Variants in CYRIB observed in about 807,000 individuals in gnomAD.
CYRIB encodes CYFIP-related Rac1 interactor B.
In CYRIB, 8 loss-of-function variants were observed where a neutral mutation model predicts 44.2. The ratio of observed to expected loss-of-function variants is 0.18; its 90% confidence interval spans 0.11 to 0.33. The LOEUF is 0.33. Ranked by LOEUF, CYRIB falls within the 10% of genes least tolerant of loss-of-function variation. The pLI, the probability that CYRIB is intolerant of heterozygous loss-of-function variation, is 1.00. For missense variants in CYRIB, 185 were observed against 382.8 expected, an observed-to-expected ratio of 0.48 and a Z score of 4.31; for synonymous variants, 131 against 127.2, an observed-to-expected ratio of 1.03 and a Z score of -0.20.
intron 1 of CYRIB, among the ~76,000 whole-genome samples, chr8:130,005,002 C>T (rs1214621208): frequency 6.6e-6 from 1 of 151,912 alleles, no homozygotes; most frequent in Non-Finnish European, 1.5e-5. Context: ...TTCCTGACCT[C>T]GTTATCCATC....
At chr8:129,883,771 C>T (rs942010994) in intron 2 of CYRIB, among the ~76,000 whole-genome samples, 1 of 152,212 alleles carries the variant, frequency 6.6e-6, no homozygotes, top group African/African-American at 2.4e-5. Flanking sequence ...TGTTTTTTAA[C>T]TTCTCCATTC....
upstream of CYRIB, among the ~76,000 whole-genome samples, chr8:129,940,151 T>C (rs573298391): frequency 1.3e-5 from 2 of 151,922 alleles, no homozygotes; most frequent in African/African-American, 4.8e-5. Context: ...GAAACGGAGG[T>C]TCAGAGGTGG....
chr8:129,967,786 AC>A (rs1484576676), intron 2 of CYRIB, among the ~76,000 whole-genome samples: 3 of 152,220 alleles, frequency 2.0e-5, no homozygotes, highest in Non-Finnish European at 4.4e-5. Flanking sequence ...CTCAATGGTG[AC>A]CTGGTCACAA....
intron 1 of CYRIB, among the ~76,000 whole-genome samples, chr8:129,924,941 T>C (rs1023304786): frequency 6.6e-6 from 1 of 152,228 alleles, no homozygotes; most frequent in Non-Finnish European, 1.5e-5. Context: ...ATCTTTAGTA[T>C]AATCGTCAAA....
chr8:129,939,690 G>A (rs1028424134), exon 1 of CYRIB: 1 of 152,316 alleles, frequency 6.6e-6, no homozygotes, highest in Non-Finnish European at 1.5e-5. Context: ...GCGGCGCTAG[G>A]GGGAGCCCCG....
intron 1 of CYRIB, among the ~76,000 whole-genome samples, chr8:129,981,868 G>T (rs533726627): frequency 2.2e-4 from 33 of 152,290 alleles, no homozygotes; most frequent in African/African-American, 7.0e-4. Context: ...GCCCCCGCTG[G>T]TCCACCCGAC....
At chr8:129,931,673 C>CTAGA (rs2091427945) in intron 1 of CYRIB, among the ~76,000 whole-genome samples, 1 of 152,130 alleles carries the variant, frequency 6.6e-6, no homozygotes, top group South Asian at 2.1e-4. Flanking sequence ...GTCACCCAGG[C>CTAGA]TAGAATGCAG....
chr8:129,863,975 A>C lies in CYRIB; in HGVS notation c.196-1641T>G, dbSNP rs541037221. On this transcript the variant is annotated intron_variant, in intron 4 of 11. Transcript: ENST00000519824. ...TTATATGACATGTCTCAATACTCCC[A>C]AGGCACTAGTATTCTGACTCCATCC... Among the ~76,000 whole-genome samples, 232 of 152,310 alleles carry C rather than the reference A, an allele frequency of 1.5e-3. 1 individual carries two copies. The highest frequency in any genetic ancestry group is 2.6e-3 in the Non-Finnish European group (175 of 68,020).
At chr8:130,012,720 T>C (rs144015526) in intron 1 of CYRIB, among the ~76,000 whole-genome samples, 184 of 152,166 alleles carry the variant, frequency 1.2e-3, no homozygotes, top group African/African-American at 4.0e-3. Flanking sequence ...ACCCAGGCTG[T>C]AGGGCCCCAA....
chr8:129,977,688 C>G (rs978103102), intron 1 of CYRIB, among the ~76,000 whole-genome samples: 1 of 152,096 alleles, frequency 6.6e-6, no homozygotes, highest in Admixed American at 6.5e-5. Flanking sequence ...CCCGCCACCA[C>G]GCCCGGCTAA....
intron 2 of CYRIB, among the ~76,000 whole-genome samples, chr8:129,881,850 T>C (rs1022870949): frequency 6.6e-6 from 1 of 152,206 alleles, no homozygotes; most frequent in South Asian, 2.1e-4. Flanking sequence ...ACTGTATACA[T>C]TGTAAAACAT....
intron 2 of CYRIB, among the ~76,000 whole-genome samples, chr8:129,947,075 T>TG (rs2131145998): frequency 6.6e-6 from 1 of 152,150 alleles, no homozygotes; most frequent in South Asian, 2.1e-4. Context: ...TTTTTTTTTT[T>TG]GAGACAGAAT....
At chr8:129,970,101 G>A (rs577835987) in intron 2 of CYRIB, among the ~76,000 whole-genome samples, 15 of 152,292 alleles carry the variant, frequency 9.8e-5, no homozygotes, top group Middle Eastern at 3.4e-3. Flanking sequence ...TTAGATGGGT[G>A]TAACATATCA....
At chr8:129,919,070 G>A (rs1034871971) in intron 1 of CYRIB, among the ~76,000 whole-genome samples, 1 of 152,048 alleles carries the variant, frequency 6.6e-6, no homozygotes, top group Non-Finnish European at 1.5e-5. Context: ...TTTTTGCCAC[G>A]TTGGCCAGGC....
At chr8:129,988,310 G>C (rs2096536972) in intron 1 of CYRIB, among the ~76,000 whole-genome samples, 1 of 152,192 alleles carries the variant, frequency 6.6e-6, no homozygotes, top group Non-Finnish European at 1.5e-5. Context: ...GACGCAAGTA[G>C]CCTTGCGCCC....
intron 2 of CYRIB, among the ~76,000 whole-genome samples, chr8:129,966,271 CAT>C (rs1366207423): frequency 6.6e-6 from 1 of 152,154 alleles, no homozygotes; most frequent in Non-Finnish European, 1.5e-5. Flanking sequence ...CTATAGGAAA[CAT>C]AGAATTTATA....
intron 2 of CYRIB, among the ~76,000 whole-genome samples, chr8:129,968,713 A>T (rs960755935): frequency 8.5e-5 from 13 of 152,240 alleles, no homozygotes; most frequent in African/African-American, 2.9e-4. Flanking sequence ...AAAAATACAG[A>T]TTCCACAACC....
Position 129,997,095 on chromosome 8 carries a change from AG to A in CYRIB, c.-296+19274del, listed in dbSNP as rs1177284976. On this transcript the variant is annotated intron_variant, in intron 1 of 14. Coordinates refer to the CYRIB transcript ENST00000401979. ...GAGGGAGGGAGGGAGGGAAGGAGGG[AG>A]GGAAGGAAGGAAGGAAGGAAGGAAG... Among the ~76,000 whole-genome samples, 813 of 135,724 alleles carry A rather than the reference AG, an allele frequency of 6.0e-3. 11 individuals are homozygous for A. Among genetic ancestry groups the A allele is most frequent in the African/African-American group, 0.022 (753 of 34,384 alleles). 89.0% of individuals were successfully genotyped at this position (135,724 alleles called of 152,430 possible).
At chr8:129,842,141 G>A in exon 12 of CYRIB, 1 of 1,610,320 alleles carries the variant, frequency 6.2e-7, no homozygotes, top group Non-Finnish European at 8.5e-7. Flanking sequence ...TTCCAGAATT[G>A]TTATTGCAGC....
Sources: allele counts gnomAD v4.1 joint callset (sites outside exome capture counted in the v4.1 genomes callset), GRCh38; gene constraint gnomAD v4.1.1; transcripts MANE v1.5; gene names NCBI Gene and HGNC (gene_info 2026-07-23, HGNC 2026-07-21).